Variants in INPP4B observed in about 807,000 individuals in gnomAD.
INPP4B encodes inositol polyphosphate-4-phosphatase type II B, also known as inositol polyphosphate 4-phosphatase type II.
Under a neutral mutation model 122.5 loss-of-function variants are expected in INPP4B, and 55 were observed. The observed-to-expected ratio is 0.45, with a 90% CI of 0.36 to 0.56. INPP4B has a LOEUF of 0.56. INPP4B is among the 20% of genes least tolerant of loss of function. The probability of loss-of-function intolerance (pLI) is 0.00; values close to 1 mark genes in which losing one functional copy is unlikely to be tolerated. For synonymous variants in INPP4B, 403 were observed against 388.7 expected, an observed-to-expected ratio of 1.04 and a Z score of -0.43; for missense variants, 1,000 against 1,097.7, an observed-to-expected ratio of 0.91 and a Z score of 1.26.
intron 2 of INPP4B, among the ~76,000 whole-genome samples, chr4:142,518,388 C>A (rs1219319272): frequency 6.6e-6 from 1 of 152,116 alleles, no homozygotes; most frequent in Non-Finnish European, 1.5e-5. Context: ...CTTCACCTAG[C>A]AGAAATCAGT....
chr4:142,821,524 A>G, intron 1 of INPP4B, among the ~76,000 whole-genome samples: 1 of 152,134 alleles, frequency 6.6e-6, no homozygotes, highest in East Asian at 1.9e-4. Context: ...TTAACATGAT[A>G]TTAGTAGGTA....
intron 11 of INPP4B, among the ~76,000 whole-genome samples, chr4:142,256,747 T>G (rs578118937): frequency 8.0e-4 from 122 of 152,256 alleles, no homozygotes; most frequent in African/African-American, 2.5e-3. Flanking sequence ...CAGGACCAGA[T>G]GGATTCACAG....
chr4:142,607,125 T>G (rs1025073267), intron 2 of INPP4B, among the ~76,000 whole-genome samples: 5 of 151,918 alleles, frequency 3.3e-5, no homozygotes, highest in African/African-American at 4.8e-5. Flanking sequence ...TTGCTCAACA[T>G]TTTTTGCATA....
intron 1 of INPP4B, among the ~76,000 whole-genome samples, chr4:142,826,647 T>C (rs1470203835): frequency 1.3e-5 from 2 of 151,780 alleles, no homozygotes; most frequent in African/African-American, 2.4e-5. Flanking sequence ...GGTTACAGTG[T>C]CCTCACCCAA....
At chr4:142,791,523 T>G (rs75835675) in intron 1 of INPP4B, among the ~76,000 whole-genome samples, 133 of 152,228 alleles carry the variant, frequency 8.7e-4, no homozygotes, top group African/African-American at 3.1e-3. Flanking sequence ...TGACGCAGTT[T>G]ATTTTGTGTT....
chr4:142,034,559 C>T lies in INPP4B; in HGVS notation c.2643-5645G>A, dbSNP rs548716936. 3.4e-4 allele frequency among the ~76,000 whole-genome samples: 51 copies of T among 152,210 alleles called. 1 individual carries two copies. The highest frequency in any genetic ancestry group is 6.8e-3 in the Middle Eastern group (2 of 294). ...CCCAACTCCCTTCCAGCCCTCAGTTCCCCACAGCCTGACTGATCACAGCCT... is the reference window on the plus strand; with the variant it reads ...CCCAACTCCCTTCCAGCCCTCAGTTTCCCACAGCCTGACTGATCACAGCCT... On this transcript the variant is annotated intron_variant, in intron 25 of 25. Coordinates refer to ENST00000262992, the MANE Select transcript of INPP4B (RefSeq NM_001101669.3).
At chr4:142,287,945 A>G (rs887081152) in intron 9 of INPP4B, among the ~76,000 whole-genome samples, 1 of 152,182 alleles carries the variant, frequency 6.6e-6, no homozygotes, top group African/African-American at 2.4e-5. Flanking sequence ...CTGGCTTGCC[A>G]GTGGCTGCCT....
intron 25 of INPP4B, among the ~76,000 whole-genome samples, chr4:142,039,343 A>G (rs1349428697): frequency 3.9e-5 from 6 of 152,206 alleles, no homozygotes; most frequent in Non-Finnish European, 7.4e-5. Context: ...AACTACATGA[A>G]TATATTTAAA....
chr4:142,088,607 C>A (rs1459783153), intron 23 of INPP4B, among the ~76,000 whole-genome samples: 11 of 152,064 alleles, frequency 7.2e-5, no homozygotes, highest in Admixed American at 6.6e-4. Flanking sequence ...TTAACAGTGG[C>A]CATCTTTAGG....
At chr4:142,675,083 A>G (rs1255461629) in intron 2 of INPP4B, among the ~76,000 whole-genome samples, 1 of 152,192 alleles carries the variant, frequency 6.6e-6, no homozygotes, top group Admixed American at 6.5e-5. Context: ...TTTTTTGAAA[A>G]GATCAACAAA....
chr4:142,308,403 T>C (rs1764234889), intron 8 of INPP4B, among the ~76,000 whole-genome samples: 1 of 152,182 alleles, frequency 6.6e-6, no homozygotes, highest in Admixed American at 6.5e-5. Flanking sequence ...GCATGTTGTA[T>C]AAACTACATT....
At chr4:142,218,147 A>G (rs1364759337) in intron 12 of INPP4B, among the ~76,000 whole-genome samples, 4 of 152,150 alleles carry the variant, frequency 2.6e-5, no homozygotes, top group Non-Finnish European at 5.9e-5. Context: ...CTTAGTGCAT[A>G]AACAGCTGAG....
At chr4:142,383,851 G>A (rs1795041477) in intron 7 of INPP4B, 1 of 492,816 alleles carries the variant, frequency 2.0e-6, no homozygotes, top group Non-Finnish European at 3.6e-6. Flanking sequence ...GATGTTTTGT[G>A]CTTTGAATAA....
chr4:142,204,867 C>G (rs2149483045), intron 14 of INPP4B, among the ~76,000 whole-genome samples: 1 of 152,076 alleles, frequency 6.6e-6, no homozygotes, highest in East Asian at 1.9e-4. Flanking sequence ...ACTTCCAGCC[C>G]CCAGAATTGT....
intron 2 of INPP4B, among the ~76,000 whole-genome samples, chr4:142,598,859 G>A (rs1035108200): frequency 2.6e-5 from 4 of 152,144 alleles, no homozygotes; most frequent in African/African-American, 7.2e-5. Flanking sequence ...TACCACTACC[G>A]CTGCTGCTAG....
chr4:142,547,124 C>T (rs992438050), intron 2 of INPP4B, among the ~76,000 whole-genome samples: 1 of 145,410 alleles, frequency 6.9e-6, no homozygotes, highest in Admixed American at 7.2e-5. Context: ...CTTCCTGATC[C>T]CAGTGCTTTT....
intron 10 of INPP4B, among the ~76,000 whole-genome samples, chr4:142,268,348 G>GAAAAAAAAAAAAAAAAAAAAAAAA (rs1383781390): frequency 4.5e-4 from 12 of 26,768 alleles, no homozygotes; most frequent in Non-Finnish European, 1.0e-3. Context: ...AAAAAAAAAT[G>GAAAAAAAAAAAAAAAAAAAAAAAA]AGGGGTAAGT....
At chr4:142,116,277 T>C (rs1006473487) in intron 21 of INPP4B, among the ~76,000 whole-genome samples, 13 of 152,070 alleles carry the variant, frequency 8.5e-5, no homozygotes, top group Non-Finnish European at 1.2e-4. Context: ...AACAAGGATA[T>C]CCAGGAATTG....
intron 11 of INPP4B, among the ~76,000 whole-genome samples, chr4:142,245,466 T>C (rs1056611026): frequency 6.6e-6 from 1 of 152,180 alleles, no homozygotes; most frequent in Admixed American, 6.5e-5. Flanking sequence ...ATTTATTAAA[T>C]AGGGAATCCT....
Sources: gnomAD v4.1 joint callset for allele counts (sites outside exome capture counted in the v4.1 genomes callset) on GRCh38, gnomAD v4.1.1 for gene constraint, MANE v1.5 for transcripts, NCBI Gene and HGNC (gene_info 2026-07-23, HGNC 2026-07-21) for gene names.